The following C6 variants were observed in gnomAD, a reference collection of about 807,000 sequenced individuals.
C6 encodes the protein complement C6.
In C6, 101 loss-of-function variants were observed where a neutral mutation model predicts 112.9. The ratio of observed to expected loss-of-function variants is 0.89; its 90% CI spans 0.76 to 1.06. The LOEUF (loss-of-function observed/expected upper bound fraction) is 1.06, where lower values mean the gene tolerates loss of function less well. Ranked by LOEUF, C6 falls within the 50% of genes least tolerant of loss-of-function variation. C6 has a pLI of 0.00. For missense variants in C6, 1,202 were observed against 1,104.6 expected (o/e 1.09, Z -1.25); for synonymous variants, 431 against 384.1 (o/e 1.12, Z -1.43).
At chr5:41,249,484 A>C (rs1416400922) in intron 1 of C6, among the ~76,000 whole-genome samples, 2 of 152,178 alleles carry the variant, frequency 1.3e-5, no homozygotes, top group Non-Finnish European at 2.9e-5. Context: ...TGATGTAGTA[A>C]ATCAACTTTA....
At chr5:41,198,586 A>G (rs931414286) in intron 4 of C6, among the ~76,000 whole-genome samples, 2 of 152,264 alleles carry the variant, frequency 1.3e-5, no homozygotes, top group Admixed American at 1.3e-4. Flanking sequence ...TTTGAAAATC[A>G]GTGGTTATGG....
chr5:41,196,476 G>A (rs1750630596), intron 4 of C6, among the ~76,000 whole-genome samples: 1 of 151,780 alleles, frequency 6.6e-6, no homozygotes, highest in African/African-American at 2.4e-5. Context: ...AGGAGAAGGA[G>A]GGAGCTTTTT....
At chr5:41,228,573 T>G (rs1739675928) in intron 1 of C6, among the ~76,000 whole-genome samples, 1 of 152,200 alleles carries the variant, frequency 6.6e-6, no homozygotes, top group African/African-American at 2.4e-5. Context: ...CTGTTGAGTA[T>G]GATTTTAGCT....
intron 1 of C6, among the ~76,000 whole-genome samples, chr5:41,240,236 A>G (rs1279172672): frequency 6.6e-6 from 1 of 152,102 alleles, no homozygotes; most frequent in Non-Finnish European, 1.5e-5. Flanking sequence ...TTTGCTGGAA[A>G]CAGGGACACC....
At chr5:41,174,367 T>C (rs1254823489) in intron 8 of C6, among the ~76,000 whole-genome samples, 2 of 152,326 alleles carry the variant, frequency 1.3e-5, no homozygotes, top group East Asian at 1.9e-4. Context: ...ATTTCAGTAA[T>C]GTCTTTAGCT....
At chr5:41,145,469 A>G (rs1466610367) in intron 17 of C6, among the ~76,000 whole-genome samples, 1 of 152,190 alleles carries the variant, frequency 6.6e-6, no homozygotes, top group Non-Finnish European at 1.5e-5. Flanking sequence ...AAATTTATTT[A>G]ATGGATCTGG....
intron 1 of C6, among the ~76,000 whole-genome samples, chr5:41,259,517 CA>C (rs56168478): frequency 0.19 from 26,654 of 142,880 alleles, 2,411 homozygotes; most frequent in Admixed American, 0.26. Context: ...CTGAAATTAC[CA>C]AAAAAAAAAA....
intron 6 of C6, among the ~76,000 whole-genome samples, chr5:41,184,001 A>G (rs1032221263): frequency 2.6e-5 from 4 of 152,054 alleles, no homozygotes; most frequent in Admixed American, 1.3e-4. Flanking sequence ...GGGAGGGGCA[A>G]GAGTCGAAAA....
intron 4 of C6, among the ~76,000 whole-genome samples, chr5:41,197,273 G>A (rs1750688411): frequency 1.3e-5 from 2 of 151,934 alleles, no homozygotes; most frequent in Admixed American, 6.6e-5. Flanking sequence ...TTATAGCTAC[G>A]AGCACTATAA....
Position 41,154,963 on chromosome 5 carries a change from A to G in C6, c.2101+9T>C. ...AGTAGTCAAGCAAAATTGTTTGCCC[A>G]GTTCTCACGTTGGCATTCCACATCC... On this transcript the variant is annotated intron_variant, in intron 14 of 17. Transcript: ENST00000337836. 3 of 1,613,652 alleles carry G rather than the reference A, an allele frequency of 1.9e-6. No individual in the cohort carries two copies. Among genetic ancestry groups the G allele is most frequent in the Non-Finnish European group, 2.5e-6 (3 of 1,179,650 alleles).
chr5:41,233,684 A>C (rs1740048812), intron 1 of C6, among the ~76,000 whole-genome samples: 1 of 152,090 alleles, frequency 6.6e-6, no homozygotes, highest in Admixed American at 6.6e-5. Context: ...ATGAACAAAA[A>C]AATAATTGTA....
intron 17 of C6, among the ~76,000 whole-genome samples, chr5:41,148,160 A>T (rs1746021627): frequency 6.6e-6 from 1 of 152,224 alleles, no homozygotes; most frequent in African/African-American, 2.4e-5. Flanking sequence ...AGATTTAGGT[A>T]TGATGGCACT....
chr5:41,198,603 C>T (rs1750782961), intron 4 of C6, among the ~76,000 whole-genome samples: 1 of 152,124 alleles, frequency 6.6e-6, no homozygotes, highest in African/African-American at 2.4e-5. Flanking sequence ...ATGGACATAA[C>T]TGTTGATGAA....
Position 41,167,088 on chromosome 5 carries a change from C to T in C6, c.1291+5137G>A, listed in dbSNP as rs558182452. Among the ~76,000 whole-genome samples the T allele has an allele frequency of 5.9e-5, 9 of 151,838 alleles. No individual in the cohort carries two copies. In the East Asian group the frequency reaches 1.4e-3, roughly 23 times the overall value. On this transcript the variant is annotated intron_variant, in intron 9 of 17. Transcript: ENST00000337836. The stretch of plus-strand genomic sequence containing the variant: ...TATTTTCTTTATCTCTATTATTTCT[C>T]TCATAATTGAAGCTGAATCATGGGC...
intron 4 of C6, among the ~76,000 whole-genome samples, chr5:41,199,465 A>C (rs146402232): frequency 2.0e-5 from 3 of 152,206 alleles, no homozygotes; most frequent in Non-Finnish European, 2.9e-5. Flanking sequence ...TTCCAACATG[A>C]TATCTTAATA....
At chr5:41,175,067 G>A (rs550213223) in intron 8 of C6, among the ~76,000 whole-genome samples, 2 of 152,318 alleles carry the variant, frequency 1.3e-5, no homozygotes, top group Admixed American at 6.5e-5. Context: ...TCTAGCAGGG[G>A]AGTGCAGCTA....
intron 1 of C6, chr5:41,203,726 GA>G (rs1299001005): frequency 1.1e-5 from 2 of 179,134 alleles, no homozygotes; most frequent in African/African-American, 4.8e-5. Context: ...CTGCTAAAGA[GA>G]ACGTTCACTG....
At chr5:41,150,185 C>T (rs1746251565) in intron 15 of C6, among the ~76,000 whole-genome samples, 160 bp from the exon 16 acceptor site, 1 of 152,166 alleles carries the variant, frequency 6.6e-6, no homozygotes, top group African/African-American at 2.4e-5. Context: ...TTAAATATTC[C>T]ACCTGAAAGG....
At chr5:41,236,305 G>C (rs1039083000) in intron 1 of C6, among the ~76,000 whole-genome samples, 1 of 137,156 alleles carries the variant, frequency 7.3e-6, no homozygotes, top group African/African-American at 2.8e-5. Context: ...TGGCTAGCCA[G>C]TTTTCCCAGC....
Sources: allele counts gnomAD v4.1 joint callset (sites outside exome capture counted in the v4.1 genomes callset), GRCh38; gene constraint gnomAD v4.1.1; transcripts MANE v1.5; gene names NCBI Gene and HGNC (gene_info 2026-07-23, HGNC 2026-07-21).